The following TRMT44 variants were observed in gnomAD, a reference collection of about 807,000 sequenced individuals.
The protein encoded by TRMT44 is tRNA methyltransferase 44 homolog.
Under a neutral mutation model 77.3 loss-of-function variants are expected in TRMT44, and 78 were observed. The observed-to-expected ratio is 1.01, with a 90% CI of 0.84 to 1.22. TRMT44 has a LOEUF of 1.22. Ranked by LOEUF, TRMT44 falls within the 50% of genes most tolerant of loss-of-function variation. The pLI is 0.00. For missense variants in TRMT44, 1,090 were observed against 964.4 expected (o/e 1.13, Z -1.73); for synonymous variants, 391 against 383.3 (o/e 1.02, Z -0.23).
chr4:8,489,065 A>C (rs577962172), intron 2 of TRMT44, among the ~76,000 whole-genome samples: 5 of 152,304 alleles, frequency 3.3e-5, no homozygotes, highest in Non-Finnish European at 5.9e-5. Context: ...CACAAGTAAG[A>C]CCTTGAAAGG....
At chr4:8,466,390 G>A (rs992503914) in intron 8 of TRMT44, among the ~76,000 whole-genome samples, 3 of 152,244 alleles carry the variant, frequency 2.0e-5, no homozygotes, top group South Asian at 2.1e-4. Flanking sequence ...CCGGGTCTCT[G>A]TGGGGGCTGG....
In TRMT44 at chr4:8,452,908, G is replaced by A; in HGVS notation, c.1050G>A (p.Glu350=). 6.5e-7 allele frequency: 1 copy of A among 1,533,426 alleles called. No homozygotes were observed. The highest frequency in any genetic ancestry group is 8.7e-7 in the Non-Finnish European group (1 of 1,145,512). The allele number at this position is 1,533,426 out of a possible 1,614,324, so 95.0% of individuals were successfully genotyped here. Residue 350 remains glutamate (E), a synonymous_variant, in exon 5 of 11, where the codon GAG becomes GAA. Coordinates refer to ENST00000389737, the MANE Select transcript of TRMT44 (RefSeq NM_152544.3). This position sits in a 1 kb window ranked among gnomAD's most constrained non-coding sequence, Gnocchi z 5.7. Reference sequence around the variant, plus strand: ...TTCTATGGGAAGAAGAAAGGGCTGAGAGGAGACTAACTGCCAGGCAGTCCT... The same window carrying A: ...TTCTATGGGAAGAAGAAAGGGCTGAAAGGAGACTAACTGCCAGGCAGTCCT... ...LLILWEEERA[E]RRLTARQSFV... is the part of the protein sequence containing the mutation.
rs1314698235 is a variant in TRMT44 at position 8,444,323 on chromosome 4, A to C, written c.620-2153A>C. On this transcript the variant is annotated intron_variant, in intron 1 of 10. Coordinates refer to ENST00000389737, the MANE Select transcript of TRMT44 (RefSeq NM_152544.3). The surrounding 1 kb of genome is among the most constrained non-coding windows in gnomAD (Gnocchi z 4.0). ...GAGAGGTGGGATGGTTAAAGTGTACAAAAAAAATAGAATATGAATAACACC... is the reference window on the plus strand; with the variant it reads ...GAGAGGTGGGATGGTTAAAGTGTACCAAAAAAATAGAATATGAATAACACC... Among the ~76,000 whole-genome samples, 1 of 151,868 alleles carries C rather than the reference A, an allele frequency of 6.6e-6. No homozygotes were observed. Among genetic ancestry groups the C allele is most frequent in the Non-Finnish European group, 1.5e-5 (1 of 67,942 alleles).
At chr4:8,497,601 C>T (rs375424847), downstream of TRMT44, among the ~76,000 whole-genome samples, 775 of 152,200 alleles carry the variant, frequency 5.1e-3, 5 homozygotes, top group African/African-American at 0.018. Context: ...GCTGAGATCG[C>T]GCCACTGCAC....
chr4:8,491,547 C>G (rs1363181762), intron 2 of TRMT44, among the ~76,000 whole-genome samples: 4 of 152,220 alleles, frequency 2.6e-5, no homozygotes, highest in African/African-American at 9.6e-5. Flanking sequence ...TGTCCCGAGC[C>G]CTGCCCCATG....
At chr4:8,495,730 A>G (rs1488974440), downstream of TRMT44, among the ~76,000 whole-genome samples, 1 of 152,202 alleles carries the variant, frequency 6.6e-6, no homozygotes, top group Non-Finnish European at 1.5e-5. Flanking sequence ...GTGAGGCAGG[A>G]GAATCGGGTC....
chr4:8,450,613 C>T (rs964130313), intron 3 of TRMT44, among the ~76,000 whole-genome samples: 1 of 152,014 alleles, frequency 6.6e-6, no homozygotes, highest in Non-Finnish European at 1.5e-5. Flanking sequence ...TAACAAGAAA[C>T]ATCTGTGTTG....
intron 2 of TRMT44, among the ~76,000 whole-genome samples, chr4:8,491,672 C>T (rs1728010764): frequency 6.6e-6 from 1 of 152,240 alleles, no homozygotes; most frequent in Non-Finnish European, 1.5e-5. Context: ...CCCTCACTGC[C>T]TGGGGCCAGC....
the TRMT44 span, among the ~76,000 whole-genome samples, chr4:8,499,811 A>G: frequency 0.023 from 3,443 of 152,314 alleles, 74 homozygotes; most frequent in African/African-American, 0.053. Context: ...CAAAACTGTC[A>G]GATGCTACAC....
downstream of TRMT44, among the ~76,000 whole-genome samples, chr4:8,481,439 A>C (rs995422185): frequency 3.3e-5 from 5 of 152,150 alleles, no homozygotes; most frequent in African/African-American, 1.2e-4. Flanking sequence ...CTCAGAATAA[A>C]TCTCTTCAAT....
At position 8,476,067 on chromosome 4, in the gene TRMT44, G is replaced by A. The variant is rs893681486; in HGVS notation, c.*66G>A. On this transcript the variant is annotated 3_prime_UTR_variant, in exon 11 of 11. Coordinates refer to ENST00000389737, the MANE Select transcript of TRMT44 (RefSeq NM_152544.3). ...ACCAAGGAGAGCTTCCCCAGCAGTC[G>A]TCAGTGCTGTGGTCTCTGCTCTGGC... 4.9e-5 allele frequency: 71 copies of A among 1,460,516 alleles called. No individual in the cohort carries two copies. The highest frequency in any genetic ancestry group is 1.4e-4 in the East Asian group (6 of 44,162). 90.5% of individuals were successfully genotyped at this position (1,460,516 alleles called of 1,614,324 possible). A position where few individuals can be genotyped will look rare whatever the true frequency, so the allele number is the denominator to read the frequency against.
chr4:8,469,046 C>G, intron 9 of TRMT44, among the ~76,000 whole-genome samples: 1 of 152,352 alleles, frequency 6.6e-6, no homozygotes, highest in East Asian at 1.9e-4. Context: ...TGACTTCTGC[C>G]TGGCTGCGCA....
chr4:8,452,205 C>T lies in TRMT44; in HGVS notation c.1023+177C>T, dbSNP rs1725497572. Among the ~76,000 whole-genome samples the T allele has an allele frequency of 6.6e-6, 1 of 152,202 alleles. No individual in the cohort carries two copies. On this transcript the variant is annotated intron_variant, in intron 4 of 10. Coordinates refer to ENST00000389737, the MANE Select transcript of TRMT44 (RefSeq NM_152544.3). This position sits in a 1 kb window ranked among gnomAD's most constrained non-coding sequence, Gnocchi z 5.7. Reference sequence around the variant, plus strand: ...TCATGTGGTCCTTTTGATGCGTATACAACAAGTTTGGGTTGAAACTTGACC... The same window carrying T: ...TCATGTGGTCCTTTTGATGCGTATATAACAAGTTTGGGTTGAAACTTGACC...
At chr4:8,488,281 G>A (rs1008269272) in intron 2 of TRMT44, among the ~76,000 whole-genome samples, 2 of 152,210 alleles carry the variant, frequency 1.3e-5, no homozygotes, top group East Asian at 3.9e-4. Flanking sequence ...TCCGTGTGAA[G>A]AGACCACCAA....
downstream of TRMT44, among the ~76,000 whole-genome samples, chr4:8,495,966 T>C (rs1728138436): frequency 6.6e-6 from 1 of 152,226 alleles, no homozygotes; most frequent in African/African-American, 2.4e-5. Context: ...GTTTCCCTCC[T>C]GCAGCCAATC....
the TRMT44 span, chr4:8,512,759 GAATTTCTT>G: frequency 6.6e-6 from 1 of 152,118 alleles, no homozygotes; most frequent in African/African-American, 2.4e-5. Flanking sequence ...GTTATCTCAG[GAATTTCTT>G]TATGAATGTG....
At chr4:8,512,937 G>C in the TRMT44 span, among the ~76,000 whole-genome samples, 2 of 152,132 alleles carry the variant, frequency 1.3e-5, no homozygotes, top group African/African-American at 4.8e-5. Flanking sequence ...ATTTGAGACA[G>C]AGTGTCACTC....
chr4:8,504,702 G>C, the TRMT44 span, among the ~76,000 whole-genome samples: 1 of 152,040 alleles, frequency 6.6e-6, no homozygotes, highest in African/African-American at 2.4e-5. This position sits in a 1 kb window ranked among gnomAD's most constrained non-coding sequence, Gnocchi z 5.3. Flanking sequence ...GCTCTTCCTG[G>C]GGTCTCAAGG....
At position 8,469,791 on chromosome 4, in the gene TRMT44, A is replaced by G. The variant is rs528073859; in HGVS notation, c.1928-1293A>G. ...TCAGCCCACTGCCTCCCTCCCGCCCACAGGCGGCCTTCAGGGCCTTTGGTC... is the reference window on the plus strand; with the variant it reads ...TCAGCCCACTGCCTCCCTCCCGCCCGCAGGCGGCCTTCAGGGCCTTTGGTC... On this transcript the variant is annotated intron_variant, in intron 9 of 10. Coordinates refer to ENST00000389737, the MANE Select transcript of TRMT44 (RefSeq NM_152544.3). Among the ~76,000 whole-genome samples, 3 of 152,298 alleles carry G rather than the reference A, an allele frequency of 2.0e-5. No homozygotes were observed. The South Asian group carries it at 6.2e-4, about 32-fold the overall frequency.
Sources: allele counts gnomAD v4.1 joint callset (sites outside exome capture counted in the v4.1 genomes callset), GRCh38; gene constraint gnomAD v4.1.1; non-coding constraint Gnocchi (gnomAD v3.1); transcripts MANE v1.5; gene names NCBI Gene and HGNC (gene_info 2026-07-23, HGNC 2026-07-21).